Variants in LARS2 observed in about 807,000 individuals in gnomAD.
The protein encoded by LARS2 is leucyl-tRNA synthetase 2, mitochondrial.
Under a neutral mutation model 116.6 loss-of-function variants are expected in LARS2, and 81 were observed. That is an observed-to-expected ratio of 0.69 (90% CI 0.58 to 0.84). The LOEUF (loss-of-function observed/expected upper bound fraction) is 0.84, where lower values mean the gene tolerates loss of function less well. Among genes scored for constraint, LARS2 ranks in the 40% least tolerant of loss-of-function variants. LARS2 has a pLI of 0.00. For synonymous variants in LARS2, 396 were observed against 407.2 expected (o/e 0.97, Z 0.33); for missense variants, 968 against 1,114.5 (o/e 0.87, Z 1.87).
At chr3:45,472,102 A>C (rs528654491) in intron 8 of LARS2, among the ~76,000 whole-genome samples, 1 of 152,206 alleles carries the variant, frequency 6.6e-6, no homozygotes, top group Admixed American at 6.5e-5. Context: ...TCACAGTTGA[A>C]TGAGAATGCC....
intron 4 of LARS2, among the ~76,000 whole-genome samples, chr3:45,414,616 TC>T (rs1698385196): frequency 6.6e-6 from 1 of 151,970 alleles, no homozygotes; most frequent in Admixed American, 6.6e-5. Context: ...ATGCCTGTAA[TC>T]CTGGCACTTT....
intron 2 of LARS2, among the ~76,000 whole-genome samples, chr3:45,393,109 A>G (rs771187317): frequency 1.3e-5 from 2 of 152,258 alleles, no homozygotes; most frequent in African/African-American, 4.8e-5. Flanking sequence ...ACGAAACATT[A>G]AAATTGGATT....
intron 4 of LARS2, among the ~76,000 whole-genome samples, chr3:45,408,262 A>G (rs1698265624): frequency 6.6e-6 from 1 of 152,232 alleles, no homozygotes; most frequent in Non-Finnish European, 1.5e-5. Context: ...AGGGGTGGGC[A>G]GAAGGCCCCA....
chr3:45,392,302 CTT>C (rs749403733), intron 2 of LARS2, among the ~76,000 whole-genome samples: 22 of 138,130 alleles, frequency 1.6e-4, no homozygotes, highest in Admixed American at 2.2e-4. Flanking sequence ...TCTTTTTTAT[CTT>C]TTTTTTTTTT....
chr3:45,435,554 G>T (rs1698783675), intron 6 of LARS2, among the ~76,000 whole-genome samples: 1 of 152,214 alleles, frequency 6.6e-6, no homozygotes, highest in African/African-American at 2.4e-5. Context: ...AGATAGAGGA[G>T]TTCAGTCTTT....
chr3:45,392,424 A>T (rs1248608358), intron 2 of LARS2, among the ~76,000 whole-genome samples: 1 of 150,534 alleles, frequency 6.6e-6, no homozygotes, highest in Non-Finnish European at 1.5e-5. Flanking sequence ...CCACCCTAGT[A>T]GCTAGGATTA....
At chr3:45,480,037 G>A (rs558384525) in intron 10 of LARS2, among the ~76,000 whole-genome samples, 6 of 152,304 alleles carry the variant, frequency 3.9e-5, no homozygotes, top group African/African-American at 1.2e-4. Flanking sequence ...GCTCACTACT[G>A]TTTTGTCCTT....
rs140846169 is a variant in LARS2 at position 45,500,293 on chromosome 3, C to T, written c.1623-149C>T. 0.069 allele frequency: 54,904 copies of T among 792,378 alleles called. 2,182 individuals are homozygous for T. Among genetic ancestry groups the T allele is most frequent in the African/African-American group, 0.083 (4,481 of 53,918 alleles). 49.1% of individuals were successfully genotyped at this position (792,378 alleles called of 1,614,324 possible). On this transcript the variant is annotated intron_variant, in intron 14 of 21. Coordinates refer to ENST00000645846, the MANE Select transcript of LARS2 (RefSeq NM_015340.4). ...CTGGGATGACAGGCATGAGCCACCG[C>T]GCCCGGCCTTCTCTTATATTTTAAA...
intron 4 of LARS2, among the ~76,000 whole-genome samples, chr3:45,415,892 GGGAGAGAGAGAGA>G (rs1698411368): frequency 1.4e-5 from 1 of 69,750 alleles, no homozygotes; most frequent in African/African-American, 1.5e-4. Flanking sequence ...GAGAGAGAGA[GGGAGAGAGAGAGA>G]GAGAGAGAGA....
intron 20 of LARS2, chr3:45,538,603 C>A (rs1700746302): frequency 6.6e-6 from 1 of 152,284 alleles, no homozygotes; most frequent in Non-Finnish European, 1.5e-5. Flanking sequence ...GCCACAGGAA[C>A]CATCTGGGCA....
intron 6 of LARS2, among the ~76,000 whole-genome samples, chr3:45,434,318 A>G (rs1698766606): frequency 6.6e-6 from 1 of 151,974 alleles, no homozygotes. Flanking sequence ...AGGCACATTC[A>G]GTTGTTTGGT....
Position 45,507,175 on chromosome 3 carries a change from T to A in LARS2, c.1761-5960T>A, listed in dbSNP as rs138403951. On this transcript the variant is annotated intron_variant, in intron 15 of 21. Coordinates refer to ENST00000645846, the MANE Select transcript of LARS2 (RefSeq NM_015340.4). ...ACTTTGGGATTGCAAGACAGGAAGA[T>A]CATTTGAGTGCAGGGGTTCGAGACC... Among the ~76,000 whole-genome samples the A allele has an allele frequency of 2.6e-3, 395 of 151,908 alleles. 2 individuals carry two copies. Among genetic ancestry groups the A allele is most frequent in the African/African-American group, 9.1e-3 (377 of 41,480 alleles).
chr3:45,447,029 A>G, intron 7 of LARS2, 49 bp downstream of exon 7: 2 of 1,130,800 alleles, frequency 1.8e-6, no homozygotes, highest in Non-Finnish European at 2.6e-6. Context: ...TCTCTTTAGG[A>G]TACATCATTG....
chr3:45,457,396 C>T (rs1030291897), intron 7 of LARS2, among the ~76,000 whole-genome samples: 2 of 152,162 alleles, frequency 1.3e-5, no homozygotes, highest in Non-Finnish European at 2.9e-5. Context: ...AAAAATTTTA[C>T]GGCTAGGCCT....
chr3:45,465,590 G>A (rs1414204236), intron 8 of LARS2, among the ~76,000 whole-genome samples: 5 of 152,336 alleles, frequency 3.3e-5, no homozygotes, highest in Admixed American at 2.0e-4. Context: ...GGGCCAAGGC[G>A]AGATGCTGGG....
rs142749511 is a variant in LARS2, at chr3:45,397,045, G to T, written c.234+2358G>T. On this transcript the variant is annotated intron_variant, in intron 3 of 21. Coordinates refer to ENST00000645846, the MANE Select transcript of LARS2 (RefSeq NM_015340.4). ...CTAGGCTCAGCCACAGCTTCAGAGC[G>T]TGATCTATAAAGAGGCAGAAGTCAT... 2.0e-5 allele frequency among the ~76,000 whole-genome samples: 3 copies of T among 152,200 alleles called. No individual in the cohort carries two copies. The South Asian group carries it at 6.2e-4, about 31-fold the overall frequency.
chr3:45,492,136 A>G (rs923926578), intron 13 of LARS2, among the ~76,000 whole-genome samples: 6 of 152,216 alleles, frequency 3.9e-5, no homozygotes, highest in Admixed American at 3.9e-4. Flanking sequence ...TTGATATTCC[A>G]AAGAGCCACG....
At chr3:45,478,573 A>G (rs1486149936) in intron 10 of LARS2, among the ~76,000 whole-genome samples, 3 of 152,160 alleles carry the variant, frequency 2.0e-5, no homozygotes, top group African/African-American at 4.8e-5. Flanking sequence ...ATATCGACAC[A>G]CCTGACCTGG....
chr3:45,528,164 C>T (rs1357318032), intron 20 of LARS2, among the ~76,000 whole-genome samples: 5 of 151,930 alleles, frequency 3.3e-5, no homozygotes, highest in African/African-American at 1.2e-4. Context: ...TAGGGAGACC[C>T]CATCTCTACA....
Sources: allele counts gnomAD v4.1 joint callset (sites outside exome capture counted in the v4.1 genomes callset), GRCh38; gene constraint gnomAD v4.1.1; transcripts MANE v1.5; gene names NCBI Gene and HGNC (gene_info 2026-07-23, HGNC 2026-07-21).